Variants in PRKCH observed in about 807,000 individuals in gnomAD.
The protein encoded by PRKCH is protein kinase C eta type.
Under a neutral mutation model 82.5 loss-of-function variants are expected in PRKCH, and 28 were observed. The ratio of observed to expected loss-of-function variants is 0.34; its 90% CI spans 0.25 to 0.47. The LOEUF (loss-of-function observed/expected upper bound fraction) is 0.47, where lower values mean the gene tolerates loss of function less well. Ranked by LOEUF, PRKCH falls within the 20% of genes least tolerant of loss-of-function variation. The probability of loss-of-function intolerance (pLI) is 1.00; values close to 1 mark genes in which losing one functional copy is unlikely to be tolerated. For synonymous variants in PRKCH, 322 were observed against 327.4 expected, an observed-to-expected ratio of 0.98 and a Z score of 0.18; for missense variants, 705 against 881.8, an observed-to-expected ratio of 0.80 and a Z score of 2.54.
chr14:61,379,363 CT>C (rs1395991061), intron 1 of PRKCH, among the ~76,000 whole-genome samples: 2 of 152,158 alleles, frequency 1.3e-5, no homozygotes, highest in Non-Finnish European at 2.9e-5. Flanking sequence ...GAGATATAGG[CT>C]TCATCTATTT....
chr14:61,411,447 A>T (rs1882265369), intron 2 of PRKCH, among the ~76,000 whole-genome samples: 1 of 152,206 alleles, frequency 6.6e-6, no homozygotes, highest in South Asian at 2.1e-4. Flanking sequence ...TTTTGGCCAA[A>T]TGCTGAAACA....
intron 1 of PRKCH, among the ~76,000 whole-genome samples, chr14:61,329,234 CTT>C (rs71117812): frequency 4.7e-5 from 3 of 63,468 alleles, no homozygotes; most frequent in Non-Finnish European, 8.0e-5. Context: ...ACTCCTGAGT[CTT>C]TTTTTTTTTT....
At chr14:61,281,172 CG>C in intron 1 of PRKCH, 1 of 1,284,472 alleles carries the variant, frequency 7.8e-7, no homozygotes, top group Non-Finnish European at 9.9e-7. Flanking sequence ...GACCGACGCG[CG>C]GGCTGACCGA....
At chr14:61,378,080 T>C (rs2046448676) in intron 1 of PRKCH, among the ~76,000 whole-genome samples, 1 of 152,316 alleles carries the variant, frequency 6.6e-6, no homozygotes, top group East Asian at 1.9e-4. Flanking sequence ...TTCTCACAGG[T>C]TGCTCCTGAC....
At chr14:61,520,652 A>G (rs1197640710) in intron 10 of PRKCH, among the ~76,000 whole-genome samples, 1 of 152,218 alleles carries the variant, frequency 6.6e-6, no homozygotes, top group African/African-American at 2.4e-5. Context: ...TTAAAGCTTA[A>G]TCTCATTAAT....
chr14:61,379,160 CT>C (rs935991591), intron 1 of PRKCH, among the ~76,000 whole-genome samples: 15 of 152,342 alleles, frequency 9.8e-5, no homozygotes, highest in Admixed American at 9.1e-4. Context: ...TCTGTAACCC[CT>C]ATACATCTTC....
At chr14:61,527,670 C>T (rs2042984410) in intron 10 of PRKCH, among the ~76,000 whole-genome samples, 1 of 152,150 alleles carries the variant, frequency 6.6e-6, no homozygotes, top group South Asian at 2.1e-4. Context: ...ATCAAAATTC[C>T]TTCGTGTGAC....
intron 2 of PRKCH, among the ~76,000 whole-genome samples, chr14:61,395,774 G>A (rs867702543): frequency 2.0e-5 from 3 of 152,094 alleles, no homozygotes; most frequent in Non-Finnish European, 2.9e-5. Context: ...CAGCAGGTTC[G>A]TTTTATCTTA....
chr14:61,476,230 T>C (rs749563959), intron 9 of PRKCH: 17 of 152,228 alleles, frequency 1.1e-4, no homozygotes, highest in Non-Finnish European at 1.9e-4. Flanking sequence ...GTTCCTATTA[T>C]GTTCACTCTT....
chr14:61,368,188 C>G (rs1363823227), intron 1 of PRKCH, among the ~76,000 whole-genome samples: 2 of 152,036 alleles, frequency 1.3e-5, no homozygotes, highest in African/African-American at 4.8e-5. Flanking sequence ...GTTCACCCTC[C>G]CATGTTGCCT....
At chr14:61,450,389 C>T (rs958913601) in intron 5 of PRKCH, among the ~76,000 whole-genome samples, 1 of 152,180 alleles carries the variant, frequency 6.6e-6, no homozygotes, top group Admixed American at 6.5e-5. Context: ...TTCTGTGGTT[C>T]CATGGCCTCT....
chr14:61,381,916 C>T (rs772009803), intron 1 of PRKCH, among the ~76,000 whole-genome samples: 3 of 152,152 alleles, frequency 2.0e-5, no homozygotes, highest in Non-Finnish European at 4.4e-5. Context: ...GAGGCTGGTG[C>T]GGCACCAGCG....
chr14:61,525,291 C>T (rs569831651), intron 10 of PRKCH: 7 of 152,354 alleles, frequency 4.6e-5, no homozygotes, highest in African/African-American at 1.2e-4. Context: ...CTTAATTGAA[C>T]CCTCTTGGGA....
chr14:61,342,280 A>T (rs1341904394), intron 1 of PRKCH, among the ~76,000 whole-genome samples: 9 of 152,020 alleles, frequency 5.9e-5, no homozygotes, highest in Admixed American at 5.9e-4. Context: ...TTAGCATATA[A>T]TATGATCAAC....
chr14:61,319,517 C>A (rs891485500), upstream of PRKCH, among the ~76,000 whole-genome samples: 1 of 152,038 alleles, frequency 6.6e-6, no homozygotes, highest in Non-Finnish European at 1.5e-5. Flanking sequence ...TATCCCAGTC[C>A]CAGGACAGCT....
At chr14:61,336,075 C>G (rs2045853770) in intron 1 of PRKCH, among the ~76,000 whole-genome samples, 2 of 152,216 alleles carry the variant, frequency 1.3e-5, no homozygotes, top group Admixed American at 1.3e-4. Context: ...ACCATCTACA[C>G]AGGGCATGAC....
intron 1 of PRKCH, among the ~76,000 whole-genome samples, chr14:61,220,331 G>A (rs2044646088): frequency 6.6e-6 from 1 of 152,186 alleles, no homozygotes; most frequent in African/African-American, 2.4e-5. Context: ...ATAGCTATTG[G>A]ACAAAATGGG....
chr14:61,489,149 C>T (rs1283460026), intron 10 of PRKCH, among the ~76,000 whole-genome samples: 3 of 152,132 alleles, frequency 2.0e-5, no homozygotes, highest in African/African-American at 7.2e-5. Flanking sequence ...GATACAAGAG[C>T]CCAGTGAGAA....
chr14:61,391,317 A>G, intron 2 of PRKCH, 29 bp downstream of exon 2: 1 of 1,550,762 alleles, frequency 6.4e-7, no homozygotes, highest in Non-Finnish European at 8.8e-7. Flanking sequence ...TAGTTTCCAG[A>G]ATACATGTAA....
Sources: allele counts gnomAD v4.1 joint callset (sites outside exome capture counted in the v4.1 genomes callset), GRCh38; gene constraint gnomAD v4.1.1; transcripts MANE v1.5; gene names NCBI Gene and HGNC (gene_info 2026-07-23, HGNC 2026-07-21).